The following PCDH15 variants were observed in gnomAD, a reference collection of about 807,000 sequenced individuals.
The protein encoded by PCDH15 is protocadherin-15.
PCDH15 carries 129 observed loss-of-function variants against 178.5 expected under a neutral mutation model. That is an observed-to-expected ratio of 0.72 (90% confidence interval 0.63 to 0.84). The LOEUF (loss-of-function observed/expected upper bound fraction) is 0.84. Among genes scored for constraint, PCDH15 ranks in the 40% least tolerant of loss-of-function variants. The probability of loss-of-function intolerance (pLI) is 0.00; values close to 1 mark genes in which losing one functional copy is unlikely to be tolerated. For missense variants in PCDH15, 2,230 were observed against 2,099.9 expected (o/e 1.06, Z -1.21); for synonymous variants, 800 against 732.0 (o/e 1.09, Z -1.50).
chr10:55,585,217 T>C (rs919114592), intron 2 of PCDH15, among the ~76,000 whole-genome samples: 6 of 152,004 alleles, frequency 3.9e-5, no homozygotes, highest in Admixed American at 6.6e-5. Context: ...TTCCTGGGGG[T>C]AAAAAATTAC....
At chr10:55,102,369 T>C (rs968756388) in intron 2 of PCDH15, among the ~76,000 whole-genome samples, 22 of 152,154 alleles carry the variant, frequency 1.4e-4, no homozygotes, top group Admixed American at 1.1e-3. Context: ...GGATATATTC[T>C]AAGACTCTCA....
chr10:54,650,594 C>T (rs890311050), intron 2 of PCDH15, among the ~76,000 whole-genome samples: 10 of 152,030 alleles, frequency 6.6e-5, no homozygotes, highest in African/African-American at 2.4e-4. Flanking sequence ...TCTCACACTG[C>T]TAATAAAGAC....
At chr10:54,661,411 G>A (rs1339868865) in intron 2 of PCDH15, among the ~76,000 whole-genome samples, 2 of 151,726 alleles carry the variant, frequency 1.3e-5, no homozygotes, top group East Asian at 1.9e-4. Flanking sequence ...CATGACAGAA[G>A]CAAGTGGAAA....
At chr10:54,540,983 A>G (rs1432331601) in intron 2 of PCDH15, among the ~76,000 whole-genome samples, 1 of 152,188 alleles carries the variant, frequency 6.6e-6, no homozygotes, top group African/African-American at 2.4e-5. Flanking sequence ...AATCCTCAAC[A>G]AACTCTGTAT....
chr10:54,393,007 T>C (rs960391621), intron 3 of PCDH15, among the ~76,000 whole-genome samples: 9 of 152,116 alleles, frequency 5.9e-5, no homozygotes, highest in African/African-American at 1.9e-4. Flanking sequence ...TGATATGTGA[T>C]TAAAATTTTA....
chr10:54,804,949 A>ATATATATATATATATATATATATATAT (rs1952756064), upstream of PCDH15, among the ~76,000 whole-genome samples: 1 of 127,366 alleles, frequency 7.9e-6, no homozygotes, highest in Non-Finnish European at 1.8e-5. Context: ...ATATATATAT[A>ATATATATATATATATATATATATATAT]CAGAGTTTGC....
At chr10:54,966,220 T>C (rs1838784209) in intron 2 of PCDH15, among the ~76,000 whole-genome samples, 2 of 151,978 alleles carry the variant, frequency 1.3e-5, no homozygotes, top group South Asian at 4.1e-4. Context: ...TTCAGCATGG[T>C]AGGGAGAAAA....
intron 4 of PCDH15, 133 bp from the exon 5 acceptor site, chr10:54,369,408 T>C: frequency 2.3e-6 from 2 of 853,388 alleles, no homozygotes; most frequent in South Asian, 3.1e-5. Context: ...TCAAAGAAAA[T>C]GATCATTTTA....
At chr10:53,938,254 AT>A (rs2085746337) in intron 25 of PCDH15, among the ~76,000 whole-genome samples, 1 of 152,178 alleles carries the variant, frequency 6.6e-6, no homozygotes, top group South Asian at 2.1e-4. Context: ...ATTTAAAAAA[AT>A]AACCTTTTTA....
chr10:55,396,757 G>A (rs938662567), intron 2 of PCDH15, among the ~76,000 whole-genome samples: 1 of 152,148 alleles, frequency 6.6e-6, no homozygotes, highest in Non-Finnish European at 1.5e-5. Context: ...TTTACCCAAA[G>A]GTGGTAAGTC....
At chr10:53,831,699 TAAA>T (rs1036030968) in intron 29 of PCDH15, among the ~76,000 whole-genome samples, 166 bp from the exon 30 acceptor site, 2 of 126,048 alleles carry the variant, frequency 1.6e-5, no homozygotes, top group Non-Finnish European at 3.5e-5. Context: ...GCATAAGCAA[TAAA>T]GAAGAGGAGT....
chr10:55,478,163 A>G (rs945566761), intron 2 of PCDH15, among the ~76,000 whole-genome samples: 22 of 151,810 alleles, frequency 1.4e-4, no homozygotes, highest in African/African-American at 5.1e-4. Context: ...GCACCTAAAT[A>G]CATGAAGCAA....
intron 25 of PCDH15, among the ~76,000 whole-genome samples, chr10:53,924,548 G>C (rs1375910299): frequency 6.6e-6 from 1 of 152,238 alleles, no homozygotes; most frequent in Non-Finnish European, 1.5e-5. Context: ...AACCGCCCAA[G>C]GGCTGAGGAG....
chr10:55,624,515 AAATAC>A (rs1265492259), intron 2 of PCDH15, among the ~76,000 whole-genome samples: 2 of 152,204 alleles, frequency 1.3e-5, no homozygotes, highest in African/African-American at 4.8e-5. Flanking sequence ...GAAAATAAGC[AAATAC>A]AATATTCTTT....
intron 2 of PCDH15, among the ~76,000 whole-genome samples, chr10:54,997,186 C>T (rs1839670366): frequency 6.6e-6 from 1 of 151,912 alleles, no homozygotes; most frequent in South Asian, 2.1e-4. Context: ...ACTGGATTAC[C>T]TATGGGGGCA....
chr10:54,073,769 T>A (rs1410257777), intron 17 of PCDH15, among the ~76,000 whole-genome samples: 1 of 152,192 alleles, frequency 6.6e-6, no homozygotes, highest in Non-Finnish European at 1.5e-5. Context: ...GTCAGAAATA[T>A]CTAGGCTACA....
At chr10:54,497,085 A>G (rs1232714295) in intron 3 of PCDH15, among the ~76,000 whole-genome samples, 2 of 152,018 alleles carry the variant, frequency 1.3e-5, no homozygotes, top group Non-Finnish European at 2.9e-5. Context: ...TTTCCAGCAC[A>G]TCAAGCAATT....
chr10:55,051,711 T>C (rs1347671743), intron 2 of PCDH15, among the ~76,000 whole-genome samples: 1 of 152,166 alleles, frequency 6.6e-6, no homozygotes, highest in African/African-American at 2.4e-5. Context: ...CCAAAGAGCA[T>C]AGTCATAAAA....
chr10:54,473,430 T>C (rs752618470), intron 3 of PCDH15, among the ~76,000 whole-genome samples: 10 of 152,102 alleles, frequency 6.6e-5, no homozygotes, highest in South Asian at 2.1e-4. Context: ...AAAAATTTAA[T>C]GGTCATTTTG....
Sources: allele counts gnomAD v4.1 joint callset (sites outside exome capture counted in the v4.1 genomes callset), GRCh38; gene constraint gnomAD v4.1.1; transcripts MANE v1.5; gene names NCBI Gene and HGNC (gene_info 2026-07-23, HGNC 2026-07-21).